The following COL7A1 variants were observed in gnomAD, a reference collection of about 807,000 sequenced individuals.
The protein encoded by COL7A1 is collagen alpha-1(VII) chain.
COL7A1 carries 296 observed loss-of-function variants against 456.2 expected under a neutral mutation model. That is an observed-to-expected ratio of 0.65 (90% CI 0.59 to 0.71). COL7A1 has a LOEUF of 0.71. COL7A1 is among the 30% of genes least tolerant of loss of function. COL7A1 has a pLI of 0.00. For synonymous variants in COL7A1, 1,464 were observed against 1,525.9 expected (o/e 0.96, Z 0.95); for missense variants, 3,441 against 4,017.2 (o/e 0.86, Z 3.88).
Position 48,579,015 on chromosome 3 carries a change from G to A in COL7A1, c.5389-61C>T. 1 of 1,600,088 alleles carries A rather than the reference G, an allele frequency of 6.2e-7. No individual in the cohort carries two copies. The highest frequency in any genetic ancestry group is 8.6e-7 in the Non-Finnish European group (1 of 1,167,670). On this transcript the variant is annotated intron_variant, in intron 62 of 118. Coordinates refer to ENST00000681320, the MANE Select transcript of COL7A1 (RefSeq NM_000094.4). This position sits in a 1 kb window ranked among gnomAD's most constrained non-coding sequence, Gnocchi z 4.4. ...TGGGGTCAGGGGCTCTAGTCCCTGT[G>A]AGCCTAAGGCCTGCATGGCAAGAAC... is the stretch of plus-strand genomic sequence containing the variant.
rs1235546749 is a variant in COL7A1 at position 48,586,353 on chromosome 3, T to C, written c.3529A>G (p.Ile1177Val). Residue 1177 changes from isoleucine (I) to valine (V), a missense_variant, in exon 27 of 119, where the codon ATC becomes GTC. By Grantham distance (29) the Ile-to-Val change is conservative. Coordinates refer to ENST00000681320, the MANE Select transcript of COL7A1 (RefSeq NM_000094.4). This position sits in a 1 kb window ranked among gnomAD's most constrained non-coding sequence, Gnocchi z 5.1. Reference sequence around the variant, plus strand: ...TTACCAGAAGCCTGGGCCTCACGGATGGGGCTGAATATGTCACCTCTCAAG... The same window carrying C: ...TTACCAGAAGCCTGGGCCTCACGGACGGGGCTGAATATGTCACCTCTCAAG... ...EPLRGDIFSP[I>V]REAQASGLNV... 1 of 1,613,832 alleles carries C rather than the reference T, an allele frequency of 6.2e-7. No individual in the cohort carries two copies. Among genetic ancestry groups the C allele is most frequent in the African/African-American group, 1.3e-5 (1 of 75,042 alleles).
rs768464427 is a variant in COL7A1, at chr3:48,570,361, C to T, written c.7381-27G>A. ...TGGAGACCAACAGGACACCGGGGATCAGTGAGGGGAATCAGTGGGGGACGC... is the reference window on the plus strand; with the variant it reads ...TGGAGACCAACAGGACACCGGGGATTAGTGAGGGGAATCAGTGGGGGACGC... On this transcript the variant is annotated intron_variant, in intron 97 of 118. Coordinates refer to ENST00000681320, the MANE Select transcript of COL7A1 (RefSeq NM_000094.4). This position sits in a 1 kb window ranked among gnomAD's most constrained non-coding sequence, Gnocchi z 5.5. The T allele has an allele frequency of 3.7e-6, 6 of 1,613,878 alleles. No homozygotes were observed. In the Admixed American group the frequency reaches 1.0e-4, roughly 27 times the overall value.
At position 48,569,995 on chromosome 3, in the gene COL7A1, A is replaced by G; in HGVS notation, c.7486-80T>C. The G allele has an allele frequency of 2.5e-6, 4 of 1,603,668 alleles. No individual in the cohort carries two copies. Among genetic ancestry groups the G allele is most frequent in the Non-Finnish European group, 3.4e-6 (4 of 1,171,782 alleles). On this transcript the variant is annotated intron_variant, in intron 99 of 118. Transcript: ENST00000681320. The surrounding 1 kb of genome is among the most constrained non-coding windows in gnomAD (Gnocchi z 4.9). ...GGAGGATCAGGGGGAGGAGGGAAAC[A>G]GTGGGGACCAGACAAAGGGGACAGG...
Position 48,564,505 on chromosome 3 carries a change from G to C in COL7A1, c.8819-83C>G, listed in dbSNP as rs1017905114. On this transcript the variant is annotated intron_variant, in intron 118 of 118. Coordinates refer to ENST00000681320, the MANE Select transcript of COL7A1 (RefSeq NM_000094.4). The surrounding 1 kb of genome is among the most constrained non-coding windows in gnomAD (Gnocchi z 6.0). ...AGGCAGAGGCACCGCCAAGGGGAGG[G>C]AGCGGAGGCTACAACAGGAAGTGGG... is the stretch of plus-strand genomic sequence containing the variant. 6.5e-7 allele frequency: 1 copy of C among 1,543,826 alleles called. No homozygotes were observed. Among genetic ancestry groups the C allele is most frequent in the Non-Finnish European group, 8.9e-7 (1 of 1,123,088 alleles).
chr3:48,584,910 C>A lies in COL7A1; in HGVS notation c.4011G>T (p.Pro1337=). The change falls in exon 34 of 119, where the codon CCG becomes CCT. Residue 1337 remains proline (P), a splice_region_variant and synonymous_variant. Coordinates refer to ENST00000681320, the MANE Select transcript of COL7A1 (RefSeq NM_000094.4). The stretch of plus-strand genomic sequence containing the variant: ...GAGCAAAGAAGGGAAGGCACCTTAC[C>A]GGGTCCCCACGAGGGCCAGGCAACC... The part of the protein sequence containing the change: ...SPGLPGPRGD[P]GERGPRGPKG... 6.2e-7 allele frequency: 1 copy of A among 1,613,992 alleles called. No homozygotes were observed. The highest frequency in any genetic ancestry group is 8.5e-7 in the Non-Finnish European group (1 of 1,180,000).
In COL7A1 at chr3:48,594,844, C is replaced by T. The variant is rs929721632; in HGVS notation, c.85+231G>A. Among the ~76,000 whole-genome samples the T allele has an allele frequency of 3.5e-4, 53 of 152,084 alleles. No homozygotes were observed. Among genetic ancestry groups the T allele is most frequent in the African/African-American group, 1.2e-3 (51 of 41,390 alleles). ...GCGTGGATTGGCATAAGGCAGGGGA[C>T]CCCGCACGCATCCAGGGAGCCAGAA... On this transcript the variant is annotated intron_variant, in intron 2 of 118. Transcript: ENST00000681320. This position sits in a 1 kb window ranked among gnomAD's most constrained non-coding sequence, Gnocchi z 5.5.
rs557521948 is a variant in COL7A1 at position 48,587,549 on chromosome 3, G to A, written c.2863C>T (p.Pro955Ser). The change falls in exon 23 of 119, where the codon CCT (proline) becomes TCT (serine). Residue 955 changes from proline to serine, a missense_variant. By Grantham distance (74) the Pro-to-Ser change is moderately conservative (BLOSUM62 -1). This residue lies in a region of COL7A1 where 444 missense variants were observed against 427.6 expected (regional missense o/e 1.04). Transcript: ENST00000681320. The surrounding 1 kb of genome is among the most constrained non-coding windows in gnomAD (Gnocchi z 6.1). ...SAEVTARTESPRVPSIELRVV... is the reference protein window; with the variant it reads ...SAEVTARTESSRVPSIELRVV... ...CGTAGTTCAATGCTTGGAACACGAG[G>A]TGACTCTGAAGGAGGAATGAAAGAT... 1.2e-6 allele frequency: 2 copies of A among 1,613,584 alleles called. No individual in the cohort carries two copies. Among genetic ancestry groups the A allele is most frequent in the East Asian group, 2.2e-5 (1 of 44,884 alleles).
At position 48,568,859 on chromosome 3, in the gene COL7A1, T is replaced by A. The variant is rs1430652811; in HGVS notation, c.7687-4A>T. ...CACCAGGCTCTCCCTTGCTGCCCTG[T>A]GGGAGTGACCAGGAGAGGGATTCAG... On this transcript the variant is annotated splice_region_variant and splice_polypyrimidine_tract_variant and intron_variant, in intron 103 of 118. Coordinates refer to ENST00000681320, the MANE Select transcript of COL7A1 (RefSeq NM_000094.4). The surrounding 1 kb of genome is among the most constrained non-coding windows in gnomAD (Gnocchi z 5.2). The A allele has an allele frequency of 6.4e-7, 1 of 1,572,408 alleles. No homozygotes were observed. Among genetic ancestry groups the A allele is most frequent in the Non-Finnish European group, 8.6e-7 (1 of 1,157,566 alleles).
At position 48,574,077 on chromosome 3, in the gene COL7A1, CCA is replaced by C. The variant is rs1560212312; in HGVS notation, c.6501+183_6501+184del. ...CCTGCACACACACATCCACATACAA[CCA>C]CACACAGACACAGGCACACACAGGC... On this transcript the variant is annotated intron_variant, in intron 80 of 118. Transcript: ENST00000681320. The surrounding 1 kb of genome is among the most constrained non-coding windows in gnomAD (Gnocchi z 5.0). Among the ~76,000 whole-genome samples the C allele has an allele frequency of 6.6e-6, 1 of 151,918 alleles. No homozygotes were observed. The highest frequency in any genetic ancestry group is 2.4e-5 in the African/African-American group (1 of 41,336).
Position 48,587,991 on chromosome 3 carries a change from G to A in COL7A1, c.2711-52C>T, listed in dbSNP as rs754251276. On this transcript the variant is annotated intron_variant, in intron 21 of 118. Coordinates refer to ENST00000681320, the MANE Select transcript of COL7A1 (RefSeq NM_000094.4). The surrounding 1 kb of genome is among the most constrained non-coding windows in gnomAD (Gnocchi z 6.1). ...AAGAGCATGTGGGATAGTGACACCTGGGGGCATTAAAGGGCCTGCCCACTT... is the reference window on the plus strand; with the variant it reads ...AAGAGCATGTGGGATAGTGACACCTAGGGGCATTAAAGGGCCTGCCCACTT... The A allele has an allele frequency of 3.6e-5, 55 of 1,541,418 alleles. No individual in the cohort carries two copies. Among genetic ancestry groups the A allele is most frequent in the Non-Finnish European group, 4.2e-5 (48 of 1,140,020 alleles).
intron 65 of COL7A1, among the ~76,000 whole-genome samples, chr3:48,577,317 T>C (rs1276027185): frequency 1.3e-5 from 2 of 152,244 alleles, no homozygotes; most frequent in African/African-American, 2.4e-5. Context: ...CGTCCACATG[T>C]CCTGGGTGTG....
At position 48,579,677 on chromosome 3, in the gene COL7A1, G is replaced by A; in HGVS notation, c.5155-9C>T. The A allele has an allele frequency of 6.2e-7, 1 of 1,613,700 alleles. No homozygotes were observed. The highest frequency in any genetic ancestry group is 8.5e-7 in the Non-Finnish European group (1 of 1,179,992). ...CGGTCCCCAGGCTCTCCCTGTGGCA[G>A]AGATAAGCTTGCTGAGGAACAGCCT... On this transcript the variant is annotated splice_polypyrimidine_tract_variant and intron_variant, in intron 58 of 118. Coordinates refer to ENST00000681320, the MANE Select transcript of COL7A1 (RefSeq NM_000094.4). The surrounding 1 kb of genome is among the most constrained non-coding windows in gnomAD (Gnocchi z 4.4).
chr3:48,566,902 C>T lies in COL7A1; in HGVS notation c.8226+5G>A, dbSNP rs1408903259. ...GGATCAGGAGTCAGAGCTGGGGCCC[C>T]TTACCTTCTGGCCCTGAAGTCCTTC... On this transcript the variant is annotated splice_donor_5th_base_variant and intron_variant, in intron 111 of 118. Transcript: ENST00000681320. The surrounding 1 kb of genome is among the most constrained non-coding windows in gnomAD (Gnocchi z 5.9). 1 of 1,599,194 alleles carries T rather than the reference C, an allele frequency of 6.3e-7. No individual in the cohort carries two copies. Among genetic ancestry groups the T allele is most frequent in the Non-Finnish European group, 8.5e-7 (1 of 1,171,442 alleles).
rs2044237254 is a variant in COL7A1, at chr3:48,575,525, A to G, written c.5994T>C (p.Phe1998=). Residue 1998 remains phenylalanine (F), a synonymous_variant, in exon 74 of 119, where the codon TTT becomes TTC. Transcript: ENST00000681320. This position sits in a 1 kb window ranked among gnomAD's most constrained non-coding sequence, Gnocchi z 6.3. ...CGCCCTTCAGCCCGCGTTCTCCAGG[A>G]AAGCCGATGGGGCCCTGCAGGAGTG... ...GPPGKEGPIG[F]PGERGLKGDR... 6.2e-7 allele frequency: 1 copy of G among 1,612,862 alleles called. No homozygotes were observed. Among genetic ancestry groups the G allele is most frequent in the Non-Finnish European group, 8.5e-7 (1 of 1,179,974 alleles).
chr3:48,589,743 T>A, intron 16 of COL7A1, 25 bp from the exon 17 acceptor site: 1 of 1,613,232 alleles, frequency 6.2e-7, no homozygotes, highest in Non-Finnish European at 8.5e-7. Flanking sequence ...CAATGGGGAG[T>A]CTGCTGGAAC....
intron 45 of COL7A1, 33 bp downstream of exon 45, chr3:48,582,576 C>G: frequency 6.2e-7 from 1 of 1,613,738 alleles, no homozygotes; most frequent in Non-Finnish European, 8.5e-7. Flanking sequence ...CACAAAAGTC[C>G]CACTCCTGGT....
chr3:48,593,082 C>A lies in COL7A1; in HGVS notation c.682+20G>T. 1 of 1,614,096 alleles carries A rather than the reference C, an allele frequency of 6.2e-7. No homozygotes were observed. Among genetic ancestry groups the A allele is most frequent in the Non-Finnish European group, 8.5e-7 (1 of 1,180,020 alleles). On this transcript the variant is annotated intron_variant, in intron 6 of 118. Transcript: ENST00000681320. The surrounding 1 kb of genome is among the most constrained non-coding windows in gnomAD (Gnocchi z 4.4). The stretch of plus-strand genomic sequence containing the variant: ...GGTCCGGGGTCTAGGTCAGGGTACA[C>A]CGTGTGGGCAGGAACTCACGAGGTC...
Position 48,575,194 on chromosome 3 carries a change from C to T in COL7A1, c.6216+13G>A, listed in dbSNP as rs748136659. ...TCCAGACAGCCTGCCCCACGAAGCC[C>T]ATCGCAGCCCACCTGTTCTCCACGT... is the stretch of plus-strand genomic sequence containing the variant. On this transcript the variant is annotated intron_variant, in intron 75 of 118. Coordinates refer to ENST00000681320, the MANE Select transcript of COL7A1 (RefSeq NM_000094.4). The surrounding 1 kb of genome is among the most constrained non-coding windows in gnomAD (Gnocchi z 6.3). The T allele has an allele frequency of 1.9e-6, 3 of 1,614,004 alleles. No individual in the cohort carries two copies. The East Asian group carries it at 6.7e-5, about 36-fold the overall frequency.
rs2044902884 is a variant in COL7A1, at chr3:48,583,158, A to G, written c.4451T>C (p.Phe1484Ser). ...TCCAGCCTCACCCAGGGGCCCTGGA[A>G]AGCCCCGGTCACCCTGAAGAGAGAG... ...GAIGPKGDRG[F>S]PGPLGEAGEK... is the part of the protein sequence containing the mutation. Residue 1484 changes from phenylalanine (F) to serine (S), a missense_variant, in exon 43 of 119, where the codon TTT becomes TCT. This residue lies in a region of COL7A1 where 2,084 missense variants were observed against 2,501.3 expected (regional missense o/e 0.83). Transcript: ENST00000681320. The surrounding 1 kb of genome is among the most constrained non-coding windows in gnomAD (Gnocchi z 5.1). The G allele has an allele frequency of 6.2e-7, 1 of 1,613,808 alleles. No homozygotes were observed.
Sources: gnomAD v4.1 joint callset for allele counts (sites outside exome capture counted in the v4.1 genomes callset) on GRCh38, gnomAD v4.1.1 for gene constraint, gnomAD v4.1.1 regional missense constraint, Gnocchi (gnomAD v3.1) non-coding constraint, MANE v1.5 for transcripts, NCBI Gene and HGNC (gene_info 2026-07-23, HGNC 2026-07-21) for gene names.